COL8A2: variants seen among roughly 807,000 people sequenced by gnomAD.
COL8A2 encodes the protein collagen alpha-2(VIII) chain.
A neutral mutation model predicts 24.0 loss-of-function variants in COL8A2; 16 were observed. That is an observed-to-expected ratio of 0.67 (90% CI 0.45 to 1.01). The LOEUF (loss-of-function observed/expected upper bound fraction) is 1.01, where lower values mean the gene tolerates loss of function less well. Ranked by LOEUF, COL8A2 falls within the 50% of genes least tolerant of loss-of-function variation. COL8A2 has a pLI of 0.00. For synonymous variants in COL8A2, 466 were observed against 424.5 expected, an observed-to-expected ratio of 1.10 and a Z score of -1.20; for missense variants, 818 against 942.4, an observed-to-expected ratio of 0.87 and a Z score of 1.73.
chr1:36,123,346 A>G lies in COL8A2; in HGVS notation c.-62+1711T>C, dbSNP rs539968453. Among the ~76,000 whole-genome samples, 7 of 152,376 alleles carry G rather than the reference A, an allele frequency of 4.6e-5. No homozygotes were observed. The highest frequency in any genetic ancestry group is 4.1e-4 in the South Asian group (2 of 4,834). On this transcript the variant is annotated intron_variant, in intron 1 of 3. Transcript: ENST00000397799. The surrounding 1 kb of genome is among the most constrained non-coding windows in gnomAD (Gnocchi z 4.1). ...GTGCGTCCTTTGTTCCGGCTCAGGC[A>G]GGAGCAGAGAAGGTAGTGGAGTACA...
chr1:36,097,572 T>C lies in COL8A2; in HGVS notation c.2109A>G (p.Thr703=). The stretch of plus-strand genomic sequence containing the variant: ...GCAGCAGGACCCCCCCCGCGGGTTA[T>C]GTGGGGCAGAGCAAGAATCCTGAAA... The part of the protein sequence containing the change: ...SSFSGFLLCP[T] Residue 703 remains threonine (T), a synonymous_variant, in exon 4 of 4, where the codon ACA becomes ACG. Coordinates refer to ENST00000397799, the MANE Select transcript of COL8A2 (RefSeq NM_005202.4). The C allele has an allele frequency of 1.2e-6, 2 of 1,603,688 alleles. No individual in the cohort carries two copies. The highest frequency in any genetic ancestry group is 1.7e-6 in the Non-Finnish European group (2 of 1,173,032).
At position 36,098,400 on chromosome 1, in the gene COL8A2, A is replaced by G. The variant is rs887324561; in HGVS notation, c.1281T>C (p.Gly427=). 53 of 1,577,304 alleles carry G rather than the reference A, an allele frequency of 3.4e-5. No homozygotes were observed. Among genetic ancestry groups the G allele is most frequent in the Non-Finnish European group, 4.6e-5 (53 of 1,161,962 alleles). The part of the protein sequence containing the change: ...HGPPGPTGPK[G]EPGFTGRPGG... ...CAGGGCGACCCGTGAAACCCGGCTC[A>G]CCCTTGGGCCCAGTTGGTCCAGGGG... is the stretch of plus-strand genomic sequence containing the variant. Residue 427 remains glycine (G), a synonymous_variant, in exon 4 of 4, where the codon GGT becomes GGC. Coordinates refer to ENST00000397799, the MANE Select transcript of COL8A2 (RefSeq NM_005202.4).
intron 2 of COL8A2, among the ~76,000 whole-genome samples, chr1:36,110,569 A>C (rs572950884): frequency 7.9e-5 from 12 of 152,036 alleles, no homozygotes; most frequent in African/African-American, 2.7e-4. Flanking sequence ...GGCTCACTGG[A>C]GCCTCCACCT....
Position 36,111,176 on chromosome 1 carries a change from C to T in COL8A2, c.-17+4532G>A, listed in dbSNP as rs145385826. Among the ~76,000 whole-genome samples the T allele has an allele frequency of 5.6e-3, 846 of 152,228 alleles. 3 individuals are homozygous for T. The highest frequency in any genetic ancestry group is 6.9e-3 in the Non-Finnish European group (469 of 68,000). ...CCCTTGCCCCCAGTCTCCAGCCTCT[C>T]CATCCATATGTCCACACGGGCCTGA... is the stretch of plus-strand genomic sequence containing the variant. On this transcript the variant is annotated intron_variant, in intron 2 of 3. Coordinates refer to ENST00000397799, the MANE Select transcript of COL8A2 (RefSeq NM_005202.4).
At chr1:36,124,996 C>A in intron 1 of COL8A2, 61 bp downstream of exon 1, 1 of 684,860 alleles carries the variant, frequency 1.5e-6, no homozygotes, top group Non-Finnish European at 1.8e-6. Context: ...GGAAGCCCAG[C>A]CCAGGTCTTG....
intron 2 of COL8A2, among the ~76,000 whole-genome samples, chr1:36,114,039 C>T (rs923393706): frequency 6.6e-6 from 1 of 152,006 alleles, no homozygotes; most frequent in African/African-American, 2.4e-5. Flanking sequence ...AGGTTCGTGG[C>T]TGGGCGCGGT....
chr1:36,101,338 C>G (rs1274835679), intron 2 of COL8A2, among the ~76,000 whole-genome samples: 1 of 152,210 alleles, frequency 6.6e-6, no homozygotes, highest in African/African-American at 2.4e-5. Flanking sequence ...CTTAACACTT[C>G]TGGCCTTTGC....
intron 1 of COL8A2, among the ~76,000 whole-genome samples, chr1:36,121,567 GC>G (rs1643914660): frequency 6.6e-6 from 1 of 151,226 alleles, no homozygotes; most frequent in African/African-American, 2.4e-5. Context: ...AATTAGCCGG[GC>G]ATGGTGGTGG....
At chr1:36,121,377 A>G (rs1375976802) in intron 1 of COL8A2, among the ~76,000 whole-genome samples, 1 of 117,360 alleles carries the variant, frequency 8.5e-6, no homozygotes. Context: ...CGACAGAGCC[A>G]GACTCTGTCT....
At chr1:36,107,497 A>G (rs1643778504) in intron 2 of COL8A2, among the ~76,000 whole-genome samples, 1 of 152,078 alleles carries the variant, frequency 6.6e-6, no homozygotes, top group Non-Finnish European at 1.5e-5. Context: ...ACAGACGCAA[A>G]CAGAGGCATC....
Position 36,099,027 on chromosome 1 carries a change from G to T in COL8A2, c.654C>A (p.Ala218=). ...GGCCGGGGGCACCCCCCTGCCCTGG[G>T]GCCCCAGGCAGCCCGGGCTGGCCCA... is the stretch of plus-strand genomic sequence containing the variant. ...NGVGQPGLPG[A]PGQGGAPGPP... The change falls in exon 4 of 4, where the codon GCC becomes GCA. Residue 218 remains alanine (A), a synonymous_variant. Transcript: ENST00000397799. The T allele has an allele frequency of 6.5e-7, 1 of 1,546,080 alleles. No homozygotes were observed. Among genetic ancestry groups the T allele is most frequent in the Non-Finnish European group, 8.7e-7 (1 of 1,147,942 alleles).
At chr1:36,119,004 A>G (rs1215597335) in intron 1 of COL8A2, among the ~76,000 whole-genome samples, 3 of 152,302 alleles carry the variant, frequency 2.0e-5, no homozygotes, top group South Asian at 2.1e-4. Context: ...TTCTTCATCA[A>G]TGAAATGGGA....
chr1:36,116,602 T>C (rs1643880903), intron 1 of COL8A2, among the ~76,000 whole-genome samples: 1 of 152,146 alleles, frequency 6.6e-6, no homozygotes. Flanking sequence ...TGTGGGAGCA[T>C]GAAGCAGGGA....
At chr1:36,111,078 C>A (rs1643833926) in intron 2 of COL8A2, among the ~76,000 whole-genome samples, 2 of 152,196 alleles carry the variant, frequency 1.3e-5, no homozygotes, top group African/African-American at 4.8e-5. Context: ...TTTCCTGAAT[C>A]TCGGAAGAAG....
chr1:36,114,545 A>G (rs568951852), intron 2 of COL8A2, among the ~76,000 whole-genome samples: 1 of 151,998 alleles, frequency 6.6e-6, no homozygotes, highest in South Asian at 2.1e-4. Flanking sequence ...TGCCCTTTCT[A>G]CCTTTCTCCT....
intron 2 of COL8A2, among the ~76,000 whole-genome samples, chr1:36,114,832 T>C (rs761376402): frequency 1.3e-4 from 19 of 151,828 alleles, no homozygotes; most frequent in Admixed American, 2.6e-4. Context: ...CCACTTTCTC[T>C]TTGTTGCTCT....
Position 36,097,477 on chromosome 1 carries a change from T to G in COL8A2, c.*92A>C. The G allele has an allele frequency of 4.6e-6, 5 of 1,091,084 alleles. No individual in the cohort carries two copies. Among genetic ancestry groups the G allele is most frequent in the Non-Finnish European group, 6.7e-6 (5 of 747,244 alleles). The allele number at this position is 1,091,084 out of a possible 1,614,324, so 67.6% of individuals were successfully genotyped here. ...GGCCACGGCCGCCTCTGTTCAGCTT[T>G]TGTTTTTTTTTCCAGGAGGTTCTTT... On this transcript the variant is annotated 3_prime_UTR_variant, in exon 4 of 4. Coordinates refer to ENST00000397799, the MANE Select transcript of COL8A2 (RefSeq NM_005202.4).
intron 2 of COL8A2, among the ~76,000 whole-genome samples, chr1:36,102,664 G>GTTTT (rs201487516): frequency 0.027 from 2,556 of 94,420 alleles, 225 homozygotes; most frequent in Non-Finnish European, 0.034. Flanking sequence ...TATAAAGCTG[G>GTTTT]TTTTTTGTTT....
In COL8A2 at chr1:36,115,443, C is replaced by T. The variant is rs895186396; in HGVS notation, c.-17+265G>A. Among the ~76,000 whole-genome samples, 2 of 152,240 alleles carry T rather than the reference C, an allele frequency of 1.3e-5. No homozygotes were observed. The highest frequency in any genetic ancestry group is 2.9e-5 in the Non-Finnish European group (2 of 68,008). ...GGGAGCACAGCCAGGCCACTGCACCCAGGCTGGGCCAAGCAAACACGGCCC... is the reference window on the plus strand; with the variant it reads ...GGGAGCACAGCCAGGCCACTGCACCTAGGCTGGGCCAAGCAAACACGGCCC... On this transcript the variant is annotated intron_variant, in intron 2 of 3. Coordinates refer to ENST00000397799, the MANE Select transcript of COL8A2 (RefSeq NM_005202.4). This position sits in a 1 kb window ranked among gnomAD's most constrained non-coding sequence, Gnocchi z 5.7.
Sources: allele counts gnomAD v4.1 joint callset (sites outside exome capture counted in the v4.1 genomes callset), GRCh38; gene constraint gnomAD v4.1.1; non-coding constraint Gnocchi (gnomAD v3.1); transcripts MANE v1.5; gene names NCBI Gene and HGNC (gene_info 2026-07-23, HGNC 2026-07-21).